Variants in F11 observed in about 807,000 individuals in gnomAD.
F11 encodes the protein coagualtion factor XI.
A neutral mutation model predicts 76.5 loss-of-function variants in F11; 78 were observed. The observed-to-expected ratio is 1.02, with a 90% CI of 0.85 to 1.23. The LOEUF (loss-of-function observed/expected upper bound fraction) is 1.23, where lower values mean the gene tolerates loss of function less well. Among genes scored for constraint, F11 ranks in the 50% most tolerant of loss-of-function variants. F11 has a pLI of 0.00. For synonymous variants in F11, 278 were observed against 276.3 expected, an observed-to-expected ratio of 1.01 and a Z score of -0.06; for missense variants, 742 against 771.4, an observed-to-expected ratio of 0.96 and a Z score of 0.45.
chr4:186,284,454 G>A (rs537699971), intron 11 of F11, among the ~76,000 whole-genome samples, 194 bp downstream of exon 11: 5 of 152,280 alleles, frequency 3.3e-5, no homozygotes, highest in Admixed American at 3.3e-4. Flanking sequence ...GCAGGTACAA[G>A]GCTGCTTGAC....
In F11 at chr4:186,288,624, C is replaced by T; in HGVS notation, c.*10C>T. 1 of 1,612,530 alleles carries T rather than the reference C, an allele frequency of 6.2e-7. No individual in the cohort carries two copies. The highest frequency in any genetic ancestry group is 1.1e-5 in the South Asian group (1 of 90,848). On this transcript the variant is annotated 3_prime_UTR_variant, in exon 15 of 15. Transcript: ENST00000403665. Reference sequence around the variant, plus strand: ...AACTCAAGCAGTGTGAATGGGTTCCCAGGGGCCATTGGAGTCCCTGAAGGA... The same window carrying T: ...AACTCAAGCAGTGTGAATGGGTTCCTAGGGGCCATTGGAGTCCCTGAAGGA...
intron 5 of F11, among the ~76,000 whole-genome samples, chr4:186,275,509 A>G (rs1458569372): frequency 6.7e-6 from 1 of 149,532 alleles, no homozygotes. Context: ...AAAAAAAAAC[A>G]AAAAATGAGA....
At chr4:186,280,607 A>G (rs766586049) in intron 10 of F11, 27 bp downstream of exon 10, 2 of 1,516,636 alleles carry the variant, frequency 1.3e-6, no homozygotes, top group South Asian at 2.3e-5. Flanking sequence ...TTGAAAAAAT[A>G]TAGCTGAAGG....
chr4:186,282,804 C>T (rs1740896223), intron 10 of F11: 1 of 985,300 alleles, frequency 1.0e-6, no homozygotes, highest in Admixed American at 6.1e-5. Context: ...CTCGTTCTCA[C>T]CTCAGTTGCT....
chr4:186,286,631 A>T lies in F11; in HGVS notation c.1576+121A>T, dbSNP rs990192130. The stretch of plus-strand genomic sequence containing the variant: ...CACACTACTCAGTTGCAGGAAGCGG[A>T]TTAATAAAGATGGAGAGGCAAAAAT... On this transcript the variant is annotated intron_variant, in intron 13 of 14. Coordinates refer to ENST00000403665, the MANE Select transcript of F11 (RefSeq NM_000128.4). 9.2e-6 allele frequency: 14 copies of T among 1,525,436 alleles called. No homozygotes were observed. The African/African-American group carries it at 1.9e-4, about 21-fold the overall frequency. 94.5% of individuals were successfully genotyped at this position (1,525,436 alleles called of 1,614,324 possible).
At chr4:186,277,147 A>C (rs554800874) in intron 7 of F11, among the ~76,000 whole-genome samples, 1 of 152,306 alleles carries the variant, frequency 6.6e-6, no homozygotes, top group South Asian at 2.1e-4. Context: ...AAAAGTGAGA[A>C]TCTACAATAT....
At chr4:186,277,420 G>A (rs1194543537) in intron 7 of F11, among the ~76,000 whole-genome samples, 1 of 151,744 alleles carries the variant, frequency 6.6e-6, no homozygotes, top group African/African-American at 2.4e-5. Flanking sequence ...CTTTTCCTTT[G>A]GCTATGTACC....
At chr4:186,281,963 T>C (rs1442366117) in intron 10 of F11, 26 of 1,278,012 alleles carry the variant, frequency 2.0e-5, no homozygotes, top group Non-Finnish European at 2.6e-5. Flanking sequence ...TGAAAATCTC[T>C]GGATGGCTCA....
intron 13 of F11, 67 bp from the exon 14 acceptor site, chr4:186,287,617 T>C: frequency 1.3e-6 from 1 of 796,458 alleles, no homozygotes; most frequent in Non-Finnish European, 2.0e-6. Context: ...TATTTATATG[T>C]ATGCATATAT....
chr4:186,286,413 A>C lies in F11; in HGVS notation c.1481-2A>C. The C allele has an allele frequency of 6.2e-7, 1 of 1,613,340 alleles. No homozygotes were observed. Among genetic ancestry groups the C allele is most frequent in the African/African-American group, 1.3e-5 (1 of 75,042 alleles). ...ATTTAAACCACGATTTTTTAAATTT[A>C]GATTCTCAACGACCCATATGCCTGC... On this transcript the variant is annotated splice_acceptor_variant, in intron 12 of 14. Transcript: ENST00000403665. LOFTEE classifies it high-confidence loss of function.
At chr4:186,286,325 C>T (rs572045335) in intron 12 of F11, 90 bp from the exon 13 acceptor site, 2 of 1,215,002 alleles carry the variant, frequency 1.6e-6, no homozygotes, top group African/African-American at 1.5e-5. Flanking sequence ...ACAAAGAAAA[C>T]ACAGATAATG....
At position 186,289,442 on chromosome 4, in the gene F11, A is replaced by G. The variant is rs182821502; in HGVS notation, c.*828A>G. 6.6e-6 allele frequency among the ~76,000 whole-genome samples: 1 copy of G among 152,320 alleles called. No individual in the cohort carries two copies. ...TCCCAAAGAGCTAGATCGTATATTT[A>G]TTTGACAAAAATCACCATAGACTGC... is the stretch of plus-strand genomic sequence containing the variant. On this transcript the variant is annotated 3_prime_UTR_variant, in exon 15 of 15. Coordinates refer to ENST00000403665, the MANE Select transcript of F11 (RefSeq NM_000128.4).
At chr4:186,267,332 G>T in intron 2 of F11, 141 bp downstream of exon 2, 1 of 716,264 alleles carries the variant, frequency 1.4e-6, no homozygotes. Context: ...GGCTCCAGAG[G>T]TTTTCAAAGC....
rs4253833 is a variant in F11 at position 186,271,524 on chromosome 4, T to C, written c.56-85T>C. On this transcript the variant is annotated intron_variant, in intron 2 of 14. Coordinates refer to ENST00000403665, the MANE Select transcript of F11 (RefSeq NM_000128.4). The stretch of plus-strand genomic sequence containing the variant: ...CGTATTTCCTGGTAAGTAGAGCTAC[T>C]TGCCTTGCCTTTATGAGATTACCAC... The C allele has an allele frequency of 4.4e-3, 6,465 of 1,459,766 alleles. 245 individuals carry two copies. The African/African-American group carries it at 0.079, about 18-fold the overall frequency. 90.4% of individuals were successfully genotyped at this position (1,459,766 alleles called of 1,614,324 possible). A position where few individuals can be genotyped will look rare whatever the true frequency, so the allele number is the denominator to read the frequency against.
intron 11 of F11, 144 bp from the exon 12 acceptor site, chr4:186,285,494 C>A: frequency 1.2e-6 from 1 of 824,832 alleles, no homozygotes; most frequent in South Asian, 1.6e-5. Flanking sequence ...CCCGAAAAAT[C>A]TTAGGATAAA....
chr4:186,290,614 T>C (rs1358924554), downstream of F11: 2 of 152,224 alleles, frequency 1.3e-5, no homozygotes, highest in African/African-American at 4.8e-5. Context: ...TTGTATAATG[T>C]CTTAATTTTT....
rs1741399993 is a variant in F11 at position 186,288,790 on chromosome 4, G to A, written c.*176G>A. On this transcript the variant is annotated 3_prime_UTR_variant, in exon 15 of 15. Transcript: ENST00000403665. ...ACAAGTTGTTATGTCCAAAACTCCC[G>A]TTCTATGATCGTTGTAGTTTGTTTG... The A allele has an allele frequency of 8.6e-6, 6 of 697,710 alleles. No homozygotes were observed. Among genetic ancestry groups the A allele is most frequent in the African/African-American group, 1.8e-5 (1 of 56,528 alleles). The allele number at this position is 697,710 out of a possible 1,614,324, so 43.2% of individuals were successfully genotyped here.
chr4:186,268,188 A>C (rs2126705035), intron 2 of F11, among the ~76,000 whole-genome samples: 1 of 152,308 alleles, frequency 6.6e-6, no homozygotes, highest in South Asian at 2.1e-4. Flanking sequence ...TTTTCTTGTC[A>C]TTATTCCCGA....
At position 186,288,582 on chromosome 4, in the gene F11, G is replaced by A. The variant is rs750857098; in HGVS notation, c.1846G>A (p.Asp616Asn). ...TTACACCAACGTGGTCGAGTACGTG[G>A]ACTGGATTCTGGAGAAAACTCAAGC... is the stretch of plus-strand genomic sequence containing the variant. ...GVYTNVVEYV[D>N]WILEKTQAV The change falls in exon 15 of 15, where the codon GAC becomes AAC. Residue 616 changes from aspartate (D) to asparagine (N), a missense_variant. Transcript: ENST00000403665. The A allele has an allele frequency of 1.9e-6, 3 of 1,614,132 alleles. No homozygotes were observed. In the Admixed American group the frequency reaches 5.0e-5, roughly 27 times the overall value.
Sources: allele counts gnomAD v4.1 joint callset (sites outside exome capture counted in the v4.1 genomes callset), GRCh38; gene constraint gnomAD v4.1.1; transcripts MANE v1.5; gene names NCBI Gene and HGNC (gene_info 2026-07-23, HGNC 2026-07-21).